Variants in JAK2 observed in about 807,000 individuals in gnomAD.
JAK2 encodes the protein tyrosine-protein kinase JAK2.
A neutral mutation model predicts 139.3 loss-of-function variants in JAK2; 86 were observed. That is an observed-to-expected ratio of 0.62 (90% CI 0.52 to 0.74). The LOEUF (loss-of-function observed/expected upper bound fraction) is 0.74. Ranked by LOEUF, JAK2 falls within the 30% of genes least tolerant of loss-of-function variation. JAK2 has a pLI of 0.00. For missense variants in JAK2, 1,421 were observed against 1,360.3 expected, an observed-to-expected ratio of 1.04 and a Z score of -0.70; for synonymous variants, 490 against 437.7, an observed-to-expected ratio of 1.12 and a Z score of -1.49.
At chr9:5,016,307 T>C (rs1050138262) in intron 2 of JAK2, among the ~76,000 whole-genome samples, 1 of 152,116 alleles carries the variant, frequency 6.6e-6, no homozygotes, top group Admixed American at 6.5e-5. Context: ...CCTGCTGTTA[T>C]AAGACCTGGT....
rs7049107 is a variant in JAK2 at position 5,021,891 on chromosome 9, G to A, written c.-25-72G>A. The A allele has an allele frequency of 1.6e-3, 1,327 of 854,260 alleles. 13 individuals carry two copies. The African/African-American group carries it at 0.02, about 13-fold the overall frequency. The allele number at this position is 854,260 out of a possible 1,614,324, so 52.9% of individuals were successfully genotyped here. A position where few individuals can be genotyped will look rare whatever the true frequency, so the allele number is the denominator to read the frequency against. ...CAAGCTATCTGCCCGCCTCGGCCCC[G>A]CAAAGTGCTAGGATTACAGGTGTGA... On this transcript the variant is annotated intron_variant, in intron 2 of 24. Coordinates refer to ENST00000381652, the MANE Select transcript of JAK2 (RefSeq NM_004972.4).
At chr9:5,006,883 A>G (rs1032943592) in intron 2 of JAK2, among the ~76,000 whole-genome samples, 10 of 152,198 alleles carry the variant, frequency 6.6e-5, no homozygotes, top group Non-Finnish European at 7.3e-5. Flanking sequence ...GTTTAGGTAA[A>G]TTGTTTTAAA....
intron 22 of JAK2, chr9:5,114,464 G>T: frequency 2.1e-6 from 1 of 470,836 alleles, no homozygotes; most frequent in South Asian, 1.9e-5. Context: ...TGCAGTCCAC[G>T]ACCAAGATCA....
At position 5,069,388 on chromosome 9, in the gene JAK2, C is replaced by T. The variant is rs370025288; in HGVS notation, c.1513+180C>T. Among the ~76,000 whole-genome samples the T allele has an allele frequency of 5.9e-5, 9 of 152,008 alleles. No individual in the cohort carries two copies. In the East Asian group the frequency reaches 1.2e-3, roughly 20 times the overall value. ...GATTGTTTACTTTGGTTTTGGTGGT[C>T]TAGAAGTGACTTGAAGTTCAATTAT... On this transcript the variant is annotated intron_variant, in intron 11 of 24. Coordinates refer to ENST00000381652, the MANE Select transcript of JAK2 (RefSeq NM_004972.4).
At chr9:5,035,608 T>A (rs913030888) in intron 4 of JAK2, among the ~76,000 whole-genome samples, 1 of 152,220 alleles carries the variant, frequency 6.6e-6, no homozygotes, top group African/African-American at 2.4e-5. Context: ...TAATCCAGCA[T>A]ATAAACAGAA....
chr9:4,988,619 C>G (rs1587789801), intron 2 of JAK2, among the ~76,000 whole-genome samples: 1 of 152,324 alleles, frequency 6.6e-6, no homozygotes, highest in East Asian at 1.9e-4. Context: ...CTAGTACCAG[C>G]TGATCATGGC....
chr9:4,991,944 G>C (rs1041300830), intron 2 of JAK2, among the ~76,000 whole-genome samples: 2 of 152,032 alleles, frequency 1.3e-5, no homozygotes, highest in African/African-American at 4.8e-5. Flanking sequence ...TACTCTGATT[G>C]CTATTGCTGT....
At chr9:5,007,640 G>GT (rs1191445317) in intron 2 of JAK2, among the ~76,000 whole-genome samples, 1 of 151,474 alleles carries the variant, frequency 6.6e-6, no homozygotes, top group East Asian at 1.9e-4. Context: ...AAGTAATTGC[G>GT]TTTTTTACTC....
chr9:5,013,705 A>G (rs1821858486), intron 2 of JAK2, among the ~76,000 whole-genome samples: 1 of 152,204 alleles, frequency 6.6e-6, no homozygotes, highest in South Asian at 2.1e-4. Context: ...TTGTTGTGTG[A>G]AACTTCTAAA....
intron 2 of JAK2, among the ~76,000 whole-genome samples, chr9:5,011,577 G>A (rs1821702725): frequency 6.6e-6 from 1 of 152,122 alleles, no homozygotes; most frequent in Non-Finnish European, 1.5e-5. Context: ...TATTACATAT[G>A]TATCATAGTA....
At chr9:5,085,524 C>G (rs985730511) in intron 19 of JAK2, 1 of 716,074 alleles carries the variant, frequency 1.4e-6, no homozygotes, top group Non-Finnish European at 2.6e-6. Context: ...CACCACACAC[C>G]AAATCTTCAA....
At chr9:5,092,137 G>A (rs1228636726) in intron 22 of JAK2, among the ~76,000 whole-genome samples, 1 of 152,112 alleles carries the variant, frequency 6.6e-6, no homozygotes, top group Non-Finnish European at 1.5e-5. Flanking sequence ...AGGTCAACGT[G>A]TAGCTCATGA....
chr9:5,077,016 G>C (rs1819351464), intron 14 of JAK2, among the ~76,000 whole-genome samples: 1 of 151,852 alleles, frequency 6.6e-6, no homozygotes, highest in Admixed American at 6.6e-5. Context: ...ATTAAATGGA[G>C]CTAGAACTCA....
intron 2 of JAK2, among the ~76,000 whole-genome samples, chr9:5,018,604 G>T (rs977804425): frequency 2.0e-5 from 3 of 152,194 alleles, no homozygotes; most frequent in South Asian, 2.1e-4. Flanking sequence ...CACCCAAAGT[G>T]CTAGGATTAC....
intron 4 of JAK2, among the ~76,000 whole-genome samples, chr9:5,033,524 A>T (rs1438313900): frequency 6.6e-6 from 1 of 152,250 alleles, no homozygotes; most frequent in Non-Finnish European, 1.5e-5. Flanking sequence ...GAAGCCCATC[A>T]GACTAACAGC....
chr9:5,119,605 C>G (rs187259629), intron 22 of JAK2, among the ~76,000 whole-genome samples: 104 of 152,000 alleles, frequency 6.8e-4, no homozygotes, highest in Non-Finnish European at 1.1e-3. Context: ...ATAAATAATA[C>G]AGAGTAAAAT....
intron 19 of JAK2, among the ~76,000 whole-genome samples, chr9:5,082,707 T>A (rs1363866862): frequency 6.6e-6 from 1 of 152,236 alleles, no homozygotes; most frequent in African/African-American, 2.4e-5. Flanking sequence ...CCTGCGGCTT[T>A]CCGCAGTGCA....
chr9:5,104,136 A>G (rs531051918), intron 22 of JAK2, among the ~76,000 whole-genome samples: 4 of 152,250 alleles, frequency 2.6e-5, no homozygotes, highest in South Asian at 2.1e-4. Context: ...CTGGTTTTTC[A>G]AAAAGATCAA....
intron 8 of JAK2, among the ~76,000 whole-genome samples, chr9:5,064,024 C>T (rs887747469): frequency 6.6e-6 from 1 of 151,984 alleles, no homozygotes; most frequent in East Asian, 1.9e-4. Context: ...GGCGTCTTGG[C>T]GTGTGCCTGT....
Sources: gnomAD v4.1 joint callset for allele counts (sites outside exome capture counted in the v4.1 genomes callset) on GRCh38, gnomAD v4.1.1 for gene constraint, MANE v1.5 for transcripts, NCBI Gene and HGNC (gene_info 2026-07-23, HGNC 2026-07-21) for gene names.